Variants in LDLRAD3 observed in about 807,000 individuals in gnomAD.
LDLRAD3 encodes low density lipoprotein receptor class A domain containing 3.
Under a neutral mutation model 29.4 loss-of-function variants are expected in LDLRAD3, and 20 were observed. The observed-to-expected ratio is 0.68, with a 90% confidence interval of 0.48 to 0.99. The LOEUF is 0.99. Ranked by LOEUF, LDLRAD3 falls within the 50% of genes least tolerant of loss-of-function variation. LDLRAD3 has a pLI of 0.00. For missense variants in LDLRAD3, 420 were observed against 454.3 expected (o/e 0.92, Z 0.69); for synonymous variants, 157 against 192.7 (o/e 0.81, Z 1.53).
At chr11:36,215,879 G>A (rs963454629) in intron 4 of LDLRAD3, among the ~76,000 whole-genome samples, 2 of 152,160 alleles carry the variant, frequency 1.3e-5, no homozygotes, top group African/African-American at 4.8e-5. Context: ...GAGTAGCACC[G>A]ATGAACTGAT....
At chr11:36,140,740 A>G (rs895378389) in intron 4 of LDLRAD3, among the ~76,000 whole-genome samples, 16 of 152,170 alleles carry the variant, frequency 1.1e-4, no homozygotes, top group Non-Finnish European at 2.2e-4. Context: ...CTTTAAAAGC[A>G]TATGGAAACC....
intron 4 of LDLRAD3, among the ~76,000 whole-genome samples, chr11:36,150,514 C>T (rs550018048): frequency 1.1e-4 from 16 of 151,808 alleles, no homozygotes; most frequent in African/African-American, 2.9e-4. Flanking sequence ...GGTGGTAGAG[C>T]GAGACCTTGT....
At chr11:36,024,635 A>G (rs1287767418) in intron 1 of LDLRAD3, among the ~76,000 whole-genome samples, 1 of 152,170 alleles carries the variant, frequency 6.6e-6, no homozygotes, top group Non-Finnish European at 1.5e-5. Flanking sequence ...GCCTTCCCCC[A>G]TCCTGCACCC....
intron 4 of LDLRAD3, among the ~76,000 whole-genome samples, chr11:36,193,927 T>G (rs1445332547): frequency 1.3e-5 from 2 of 152,188 alleles, no homozygotes; most frequent in African/African-American, 4.8e-5. Flanking sequence ...CTTCTCAATG[T>G]TCTCACCAAA....
At chr11:35,990,681 G>T (rs1380156282) in intron 1 of LDLRAD3, among the ~76,000 whole-genome samples, 1 of 152,006 alleles carries the variant, frequency 6.6e-6, no homozygotes, top group African/African-American at 2.4e-5. Flanking sequence ...CTCCCAAAGT[G>T]CTGGGATTAC....
At chr11:36,140,366 A>T (rs572448095) in intron 4 of LDLRAD3, among the ~76,000 whole-genome samples, 2 of 152,316 alleles carry the variant, frequency 1.3e-5, no homozygotes, top group African/African-American at 4.8e-5. Flanking sequence ...AATGATGAAA[A>T]ATTAACAAAC....
intron 4 of LDLRAD3, among the ~76,000 whole-genome samples, chr11:36,193,696 C>T (rs1370292883): frequency 6.6e-6 from 1 of 152,128 alleles, no homozygotes; most frequent in Non-Finnish European, 1.5e-5. Flanking sequence ...TTCAAAAATT[C>T]GCCCTGACAC....
intron 1 of LDLRAD3, among the ~76,000 whole-genome samples, chr11:35,993,213 A>G (rs1424398204): frequency 1.3e-5 from 2 of 152,186 alleles, no homozygotes; most frequent in African/African-American, 4.8e-5. Flanking sequence ...AAAACAAGTT[A>G]AAAGATTGAG....
chr11:36,022,456 G>T (rs1385531314), intron 1 of LDLRAD3, among the ~76,000 whole-genome samples: 2 of 151,362 alleles, frequency 1.3e-5, no homozygotes, highest in Admixed American at 6.6e-5. Flanking sequence ...AGGTTTTCTT[G>T]TGTGAGTGAT....
intron 1 of LDLRAD3, among the ~76,000 whole-genome samples, chr11:35,959,051 G>A (rs1163275059): frequency 3.3e-5 from 5 of 152,142 alleles, no homozygotes; most frequent in Non-Finnish European, 5.9e-5. Flanking sequence ...AGATGGTGTC[G>A]GTACCATAGT....
rs577105900 is a variant in LDLRAD3, at chr11:36,030,400, G to C, written c.47-5703G>C. 3.3e-5 allele frequency among the ~76,000 whole-genome samples: 5 copies of C among 152,060 alleles called. No homozygotes were observed. The South Asian group carries it at 1.0e-3, about 32-fold the overall frequency. On this transcript the variant is annotated intron_variant, in intron 1 of 5. Transcript: ENST00000315571. ...GGATGTTTGTAAACAGATCACTGCAGAGCCGCTCACTCACTGGCCTGTGCC... is the reference window on the plus strand; with the variant it reads ...GGATGTTTGTAAACAGATCACTGCACAGCCGCTCACTCACTGGCCTGTGCC...
chr11:36,118,870 C>A (rs1308925466), intron 4 of LDLRAD3, among the ~76,000 whole-genome samples: 1 of 151,980 alleles, frequency 6.6e-6, no homozygotes, highest in Non-Finnish European at 1.5e-5. Context: ...CAGCCCTGGG[C>A]AGCCCCAGTT....
At chr11:36,056,566 C>G (rs1304289952) in intron 2 of LDLRAD3, among the ~76,000 whole-genome samples, 1 of 152,160 alleles carries the variant, frequency 6.6e-6, no homozygotes, top group Admixed American at 6.5e-5. Context: ...CACGGCAGGT[C>G]TGTATGGAGG....
At chr11:36,069,089 A>G (rs1166911331) in intron 2 of LDLRAD3, among the ~76,000 whole-genome samples, 1 of 152,224 alleles carries the variant, frequency 6.6e-6, no homozygotes, top group Non-Finnish European at 1.5e-5. Context: ...TGATCAATAA[A>G]ACTTGGAGTC....
At chr11:35,993,365 C>A (rs867359620) in intron 1 of LDLRAD3, among the ~76,000 whole-genome samples, 1 of 152,172 alleles carries the variant, frequency 6.6e-6, no homozygotes, top group African/African-American at 2.4e-5. Flanking sequence ...TAGTGTCTGA[C>A]ACCCTGTGCA....
chr11:36,186,348 A>G (rs752850363), intron 4 of LDLRAD3, among the ~76,000 whole-genome samples: 1 of 152,210 alleles, frequency 6.6e-6, no homozygotes, highest in African/African-American at 2.4e-5. Context: ...CAGAGAAACT[A>G]CGGTATATGC....
Position 35,998,879 on chromosome 11 carries a change from C to T in LDLRAD3, c.47-37224C>T, listed in dbSNP as rs184837802. Among the ~76,000 whole-genome samples, 3 of 152,296 alleles carry T rather than the reference C, an allele frequency of 2.0e-5. No homozygotes were observed. In the East Asian group the frequency reaches 5.8e-4, roughly 29 times the overall value. On this transcript the variant is annotated intron_variant, in intron 1 of 5. Coordinates refer to ENST00000315571, the MANE Select transcript of LDLRAD3 (RefSeq NM_174902.4). Reference sequence around the variant, plus strand: ...ATAAATTATCCTTTGGCCTGGTCACCTCCACTTTGAAATTTGATCATTGGT... The same window carrying T: ...ATAAATTATCCTTTGGCCTGGTCACTTCCACTTTGAAATTTGATCATTGGT...
chr11:36,103,330 C>A (rs7482902), intron 4 of LDLRAD3, among the ~76,000 whole-genome samples: 1 of 151,092 alleles, frequency 6.6e-6, no homozygotes, highest in African/African-American at 2.4e-5. Flanking sequence ...CTCCACCTCC[C>A]GGGTTCACAC....
At chr11:36,159,622 AAAAAG>A (rs1222916472) in intron 4 of LDLRAD3, among the ~76,000 whole-genome samples, 3 of 146,398 alleles carry the variant, frequency 2.0e-5, no homozygotes, top group African/African-American at 7.5e-5. Flanking sequence ...AAAAAAAAAA[AAAAAG>A]CCAGATGTGG....
Sources: allele counts gnomAD v4.1 joint callset (sites outside exome capture counted in the v4.1 genomes callset), GRCh38; gene constraint gnomAD v4.1.1; transcripts MANE v1.5; gene names NCBI Gene and HGNC (gene_info 2026-07-23, HGNC 2026-07-21).